Variants in RELN observed in about 807,000 individuals in gnomAD.
RELN encodes the protein reelin.
A neutral mutation model predicts 427.6 loss-of-function variants in RELN; 108 were observed. That is an observed-to-expected ratio of 0.25 (90% CI 0.22 to 0.30). RELN has a LOEUF of 0.30. Among genes scored for constraint, RELN ranks in the 10% least tolerant of loss-of-function variants. The probability of loss-of-function intolerance (pLI) is 1.00; values close to 1 mark genes in which losing one functional copy is unlikely to be tolerated. For missense variants in RELN, 3,715 were observed against 4,302.8 expected, an observed-to-expected ratio of 0.86 and a Z score of 3.82; for synonymous variants, 1,524 against 1,513.4, an observed-to-expected ratio of 1.01 and a Z score of -0.16.
intron 8 of RELN, among the ~76,000 whole-genome samples, chr7:103,709,697 G>A (rs1789745682): frequency 6.6e-6 from 1 of 152,120 alleles, no homozygotes; most frequent in Non-Finnish European, 1.5e-5. Context: ...TATACCAACA[G>A]TAAAAGTTGT....
chr7:103,817,937 C>CAAAAAAAAAAAAAAAA (rs71154371), intron 3 of RELN, among the ~76,000 whole-genome samples: 38 of 36,020 alleles, frequency 1.1e-3, no homozygotes, highest in East Asian at 2.4e-3. Context: ...GACTCCATCT[C>CAAAAAAAAAAAAAAAA]AAAAAAAAAA....
chr7:103,702,366 G>T (rs1834111998), intron 8 of RELN, among the ~76,000 whole-genome samples: 1 of 152,152 alleles, frequency 6.6e-6, no homozygotes. Flanking sequence ...CTTCCTTTAT[G>T]TCTTACACAC....
chr7:103,979,437 G>A (rs577540279), intron 1 of RELN, among the ~76,000 whole-genome samples: 4 of 152,324 alleles, frequency 2.6e-5, no homozygotes, highest in African/African-American at 9.6e-5. Flanking sequence ...GGACTACTTG[G>A]AGGCAAGGGC....
intron 6 of RELN, among the ~76,000 whole-genome samples, chr7:103,744,464 A>G (rs1301250757): frequency 2.0e-5 from 3 of 152,234 alleles, no homozygotes; most frequent in Non-Finnish European, 4.4e-5. Flanking sequence ...CAAAAAATTA[A>G]TGAATCCAGG....
chr7:103,864,742 A>T (rs1794153668), intron 2 of RELN, among the ~76,000 whole-genome samples: 1 of 152,122 alleles, frequency 6.6e-6, no homozygotes, highest in South Asian at 2.1e-4. Context: ...ATAGAAAAAC[A>T]ATAGAAAAAA....
rs1300820503 is a variant in RELN at position 103,557,107 on chromosome 7, T to C, written c.5667A>G (p.Gly1889=). 1 of 1,613,774 alleles carries C rather than the reference T, an allele frequency of 6.2e-7. No homozygotes were observed. The highest frequency in any genetic ancestry group is 1.7e-5 in the Admixed American group (1 of 60,026). The change falls in exon 38 of 65, where the codon GGA becomes GGG. Residue 1889 remains glycine, a synonymous_variant. Coordinates refer to ENST00000428762, the MANE Select transcript of RELN (RefSeq NM_005045.4). Reference sequence around the variant, plus strand: ...ATTCATCCATCAGGTGCCAAGTGATTCCTCCACTGATGGAGAATTGTAACA... The same window carrying C: ...ATTCATCCATCAGGTGCCAAGTGATCCCTCCACTGATGGAGAATTGTAACA... ...SILLQFSISG[G]ITWHLMDEFY...
chr7:103,958,207 C>T (rs1796474935), intron 1 of RELN, among the ~76,000 whole-genome samples: 2 of 152,134 alleles, frequency 1.3e-5, no homozygotes. Context: ...AATAAATTGC[C>T]CTTTCCTGGC....
chr7:103,921,873 C>T (rs1010672416), intron 1 of RELN, among the ~76,000 whole-genome samples: 2 of 152,114 alleles, frequency 1.3e-5, no homozygotes, highest in Admixed American at 6.6e-5. Flanking sequence ...GCCAGGTTAC[C>T]TTTTGTTAAG....
chr7:103,566,088 T>C (rs1830744260), intron 33 of RELN, 136 bp downstream of exon 33: 1 of 766,840 alleles, frequency 1.3e-6, no homozygotes, highest in Non-Finnish European at 2.2e-6. Context: ...AATAAAACTT[T>C]TTTTTCACTG....
At chr7:103,637,266 C>T (rs754770361) in intron 17 of RELN, among the ~76,000 whole-genome samples, 15 of 152,178 alleles carry the variant, frequency 9.9e-5, no homozygotes, top group Non-Finnish European at 2.1e-4. Flanking sequence ...TTTGTTTTTA[C>T]TGTGCTATTT....
At chr7:103,479,848 T>C (rs1259606543) in intron 63 of RELN, among the ~76,000 whole-genome samples, 1 of 152,210 alleles carries the variant, frequency 6.6e-6, no homozygotes. Flanking sequence ...AAACTCAATA[T>C]AAGATACCAT....
chr7:103,939,359 T>C (rs1796060917), intron 1 of RELN, among the ~76,000 whole-genome samples: 1 of 152,132 alleles, frequency 6.6e-6, no homozygotes, highest in South Asian at 2.1e-4. Flanking sequence ...ACATGTTCAA[T>C]AAACATATAA....
intron 1 of RELN, among the ~76,000 whole-genome samples, chr7:103,919,279 A>G (rs1476927): frequency 1.3e-5 from 2 of 151,998 alleles, no homozygotes; most frequent in East Asian, 1.9e-4. Flanking sequence ...ACCACTGGAC[A>G]CAGTGTGAAT....
intron 9 of RELN, among the ~76,000 whole-genome samples, chr7:103,699,780 T>G (rs867869535): frequency 6.6e-6 from 1 of 152,100 alleles, no homozygotes; most frequent in African/African-American, 2.4e-5. Context: ...TTACAAAGAA[T>G]AGCAAAATGT....
intron 6 of RELN, among the ~76,000 whole-genome samples, chr7:103,734,440 C>T (rs1353659507): frequency 1.3e-5 from 2 of 152,212 alleles, no homozygotes; most frequent in Non-Finnish European, 2.9e-5. Context: ...AATACCTTGG[C>T]GTATCATATG....
intron 3 of RELN, among the ~76,000 whole-genome samples, chr7:103,801,727 A>T (rs77872752): frequency 3.9e-5 from 3 of 76,602 alleles, no homozygotes; most frequent in African/African-American, 1.7e-4. Context: ...CTTAAAGTAT[A>T]AAAAAAAAAA....
intron 2 of RELN, among the ~76,000 whole-genome samples, chr7:103,853,013 C>T (rs1194342781): frequency 6.6e-6 from 1 of 151,966 alleles, no homozygotes; most frequent in East Asian, 1.9e-4. Context: ...TTAAAATTCA[C>T]ACTCCACTGA....
intron 3 of RELN, among the ~76,000 whole-genome samples, chr7:103,809,341 G>A (rs192176352): frequency 6.6e-6 from 1 of 152,182 alleles, no homozygotes; most frequent in Non-Finnish European, 1.5e-5. Context: ...GAGGGTGCAG[G>A]TAGTAGAAAA....
At chr7:103,634,080 CATCT>C (rs1269107366) in intron 19 of RELN, among the ~76,000 whole-genome samples, 15 of 152,088 alleles carry the variant, frequency 9.9e-5, no homozygotes, top group African/African-American at 3.4e-4. Flanking sequence ...TAAAAGTTCT[CATCT>C]ATTTGCAAAT....
Sources: gnomAD v4.1 joint callset for allele counts (sites outside exome capture counted in the v4.1 genomes callset) on GRCh38, gnomAD v4.1.1 for gene constraint, MANE v1.5 for transcripts, NCBI Gene and HGNC (gene_info 2026-07-23, HGNC 2026-07-21) for gene names.